ATP1A3: variants seen among roughly 807,000 people sequenced by gnomAD.
ATP1A3 encodes sodium/potassium-transporting ATPase subunit alpha-3.
A neutral mutation model predicts 108.8 loss-of-function variants in ATP1A3; 12 were observed. That is an observed-to-expected ratio of 0.11 (90% CI 0.07 to 0.18). ATP1A3 has a LOEUF of 0.18. Among genes scored for constraint, ATP1A3 ranks in the 10% least tolerant of loss-of-function variants. The pLI, the probability that ATP1A3 is intolerant of heterozygous loss-of-function variation, is 1.00. For synonymous variants in ATP1A3, 539 were observed against 564.5 expected, an observed-to-expected ratio of 0.95 and a Z score of 0.64; for missense variants, 498 against 1,387.7, an observed-to-expected ratio of 0.36 and a Z score of 10.19.
At chr19:41,987,027 A>G (rs1426117274) in intron 4 of ATP1A3, among the ~76,000 whole-genome samples, 2 of 152,148 alleles carry the variant, frequency 1.3e-5, no homozygotes, top group Non-Finnish European at 2.9e-5. Flanking sequence ...GACAGGCGTG[A>G]GCCACCATGC....
rs1057524683 is a variant in ATP1A3 at position 41,981,977 on chromosome 19, G to A, written c.1123C>T (p.Arg375Cys). 6.2e-7 allele frequency: 1 copy of A among 1,614,230 alleles called. No individual in the cohort carries two copies. Among genetic ancestry groups the A allele is most frequent in the Non-Finnish European group, 8.5e-7 (1 of 1,180,042 alleles). ...SDKTGTLTQNRMTVAHMWFDN... is the reference protein window; with the variant it reads ...SDKTGTLTQNCMTVAHMWFDN... ...AACCACATGTGGGCGACTGTCATGC[G>A]GTTCTGAGTGAGGGTCCCTGTCTTA... is the stretch of plus-strand genomic sequence containing the variant. The change falls in exon 9 of 23, where the codon CGC becomes TGC. Residue 375 changes from arginine (R) to cysteine (C), a missense_variant. By Grantham distance (180) the Arg-to-Cys change is radical. Coordinates refer to ENST00000648268, the MANE Select transcript of ATP1A3 (RefSeq NM_152296.5). This position sits in a 1 kb window ranked among gnomAD's most constrained non-coding sequence, Gnocchi z 5.0.
In ATP1A3 at chr19:41,985,954, A is replaced by T; in HGVS notation, c.516T>A (p.Ala172=). 1.9e-6 allele frequency: 3 copies of T among 1,614,112 alleles called. No individual in the cohort carries two copies. Among genetic ancestry groups the T allele is most frequent in the Non-Finnish European group, 2.5e-6 (3 of 1,180,000 alleles). ...CCAGGTCCCCGACCACCACCTCCTC[A>T]GCGTTCACCTGCATCTTCTCACCTT... The part of the protein sequence containing the change: ...IREGEKMQVN[A]EEVVVGDLVE... Residue 172 remains alanine (A), a synonymous_variant, in exon 6 of 23, where the codon GCT becomes GCA. Transcript: ENST00000648268. This position sits in a 1 kb window ranked among gnomAD's most constrained non-coding sequence, Gnocchi z 8.2.
chr19:41,976,458 G>T lies in ATP1A3; in HGVS notation c.2052C>A (p.Ser684=). 1 of 1,614,226 alleles carries T rather than the reference G, an allele frequency of 6.2e-7. No individual in the cohort carries two copies. The highest frequency in any genetic ancestry group is 8.5e-7 in the Non-Finnish European group (1 of 1,180,048). The change falls in exon 15 of 23, where the codon TCC becomes TCA. Residue 684 remains serine (S), a synonymous_variant. Transcript: ENST00000648268. ...NHTEIVFART[S]PQQKLIIVEG... is the part of the protein sequence containing the mutation. The stretch of plus-strand genomic sequence containing the variant: ...CCACAATGATGAGCTTCTGCTGGGG[G>T]GATGTGCGGGCGAAGACGATCTCGG...
intron 4 of ATP1A3, among the ~76,000 whole-genome samples, chr19:41,987,561 C>T (rs1210267025): frequency 2.0e-5 from 3 of 152,054 alleles, no homozygotes; most frequent in Non-Finnish European, 4.4e-5. Flanking sequence ...CGAATGTGTC[C>T]CTGTGTTATG....
Position 41,967,174 on chromosome 19 carries a change from A to C in ATP1A3, c.3013+75T>G, listed in dbSNP as rs568701213. ...GGTGGCAGAGCCATCCAGCAGGGCG[A>C]GGGGAGCCTGGGACCAGCTGCCTGA... On this transcript the variant is annotated intron_variant, in intron 22 of 22. Coordinates refer to ENST00000648268, the MANE Select transcript of ATP1A3 (RefSeq NM_152296.5). This position sits in a 1 kb window ranked among gnomAD's most constrained non-coding sequence, Gnocchi z 4.2. 713 of 1,606,868 alleles carry C rather than the reference A, an allele frequency of 4.4e-4. No individual in the cohort carries two copies. The highest frequency in any genetic ancestry group is 5.3e-4 in the Non-Finnish European group (620 of 1,176,674).
At chr19:41,990,634 G>A (rs2075328477) in intron 1 of ATP1A3, among the ~76,000 whole-genome samples, 1 of 146,354 alleles carries the variant, frequency 6.8e-6, no homozygotes, top group East Asian at 2.1e-4. Context: ...CTCTCTCTGG[G>A]CTCTCCTCAA....
At chr19:41,970,156 G>A (rs554165133) in intron 18 of ATP1A3, 29 bp downstream of exon 18, 2 of 1,614,216 alleles carry the variant, frequency 1.2e-6, no homozygotes, top group East Asian at 2.2e-5. Context: ...GCACTGGGTG[G>A]TAAGGAGATG....
At chr19:41,970,694 C>G (rs529795357) in intron 16 of ATP1A3, 152 bp from the exon 17 acceptor site, 15 of 940,652 alleles carry the variant, frequency 1.6e-5, no homozygotes, top group Admixed American at 9.1e-5. Flanking sequence ...TGCAGTGGTG[C>G]GATCTCGGCT....
At chr19:41,983,394 C>A (rs893186648) in intron 8 of ATP1A3, among the ~76,000 whole-genome samples, 1 of 151,604 alleles carries the variant, frequency 6.6e-6, no homozygotes, top group Non-Finnish European at 1.5e-5. Context: ...TGGAAAACTT[C>A]ACATAAAACA....
intron 4 of ATP1A3, 145 bp from the exon 5 acceptor site, chr19:41,986,374 G>A (rs2075286725): frequency 1.4e-6 from 1 of 689,892 alleles, no homozygotes; most frequent in Non-Finnish European, 2.5e-6. Flanking sequence ...ATGAGGGTTG[G>A]TGTGTCTGAG....
rs577183807 is a variant in ATP1A3, at chr19:41,985,942, C to A, written c.528G>T (p.Val176=). 1 of 1,614,056 alleles carries A rather than the reference C, an allele frequency of 6.2e-7. No individual in the cohort carries two copies. The highest frequency in any genetic ancestry group is 1.1e-5 in the South Asian group (1 of 91,086). The change falls in exon 6 of 23, where the codon GTG becomes GTT. Residue 176 remains valine, a synonymous_variant. Coordinates refer to ENST00000648268, the MANE Select transcript of ATP1A3 (RefSeq NM_152296.5). The surrounding 1 kb of genome is among the most constrained non-coding windows in gnomAD (Gnocchi z 8.2). ...EKMQVNAEEV[V]VGDLVEIKGG... ...CCTTGATCTCCACCAGGTCCCCGACCACCACCTCCTCAGCGTTCACCTGCA... is the reference window on the plus strand; with the variant it reads ...CCTTGATCTCCACCAGGTCCCCGACAACCACCTCCTCAGCGTTCACCTGCA...
At chr19:41,989,187 G>A (rs2075313410) in intron 1 of ATP1A3, among the ~76,000 whole-genome samples, 1 of 151,982 alleles carries the variant, frequency 6.6e-6, no homozygotes, top group Non-Finnish European at 1.5e-5. Context: ...CGATCCTCCT[G>A]CTTTAGCCTC....
rs1039420893 is a variant in ATP1A3, at chr19:41,994,144, G to A, written c.-68C>T. ...GACCTCGGGGCGGGCTCAGGCTCAG[G>A]CTTGGGCTGGGAGCCTCTGCAGCGC... On this transcript the variant is annotated 5_prime_UTR_variant, in exon 1 of 23. Coordinates refer to ENST00000648268, the MANE Select transcript of ATP1A3 (RefSeq NM_152296.5). 1 of 1,489,116 alleles carries A rather than the reference G, an allele frequency of 6.7e-7. No homozygotes were observed. 92.2% of individuals were successfully genotyped at this position (1,489,116 alleles called of 1,614,324 possible).
chr19:41,970,347 C>A (rs782172680), intron 17 of ATP1A3, 39 bp from the exon 18 acceptor site: 2 of 1,613,658 alleles, frequency 1.2e-6, no homozygotes, highest in African/African-American at 2.7e-5. Flanking sequence ...GAGGGGAGGA[C>A]TCCACCCTCC....
intron 8 of ATP1A3, among the ~76,000 whole-genome samples, chr19:41,983,766 ATTTTTTTTTT>A (rs556483707): frequency 3.4e-4 from 34 of 101,252 alleles, no homozygotes; most frequent in Non-Finnish European, 4.3e-4. Flanking sequence ...ATTTAAAAAA[ATTTTTTTTTT>A]TTTTTTTTTT....
intron 19 of ATP1A3, among the ~76,000 whole-genome samples, chr19:41,969,181 C>T (rs139851586): frequency 0.016 from 2,411 of 152,278 alleles, 42 homozygotes; most frequent in Middle Eastern, 0.024. Flanking sequence ...GGAGGACAGA[C>T]AGCAACTGGG....
intron 16 of ATP1A3, among the ~76,000 whole-genome samples, chr19:41,972,845 G>A (rs1043762253): frequency 7.1e-6 from 1 of 140,386 alleles, no homozygotes; most frequent in Admixed American, 7.1e-5. Context: ...AAGGAAGGAA[G>A]GAAGGAAGGA....
Position 41,985,956 on chromosome 19 carries a change from C to T in ATP1A3, c.514G>A (p.Ala172Thr), listed in dbSNP as rs782236247. ...AGGTCCCCGACCACCACCTCCTCAG[C>T]GTTCACCTGCATCTTCTCACCTTCC... Reference protein sequence around the residue: ...IREGEKMQVNAEEVVVGDLVE... With the variant: ...IREGEKMQVNTEEVVVGDLVE... The change falls in exon 6 of 23, where the codon GCT (alanine) becomes ACT (threonine). Residue 172 changes from alanine (A) to threonine (T), a missense_variant. By Grantham distance (58) the Ala-to-Thr change is moderately conservative. This residue lies in a region of ATP1A3 where 127 missense variants were observed against 464.0 expected (regional missense o/e 0.27). Coordinates refer to ENST00000648268, the MANE Select transcript of ATP1A3 (RefSeq NM_152296.5). The surrounding 1 kb of genome is among the most constrained non-coding windows in gnomAD (Gnocchi z 8.2). 3.1e-6 allele frequency: 5 copies of T among 1,614,048 alleles called. No homozygotes were observed. The highest frequency in any genetic ancestry group is 2.2e-5 in the East Asian group (1 of 44,894).
intron 19 of ATP1A3, among the ~76,000 whole-genome samples, 178 bp from the exon 20 acceptor site, chr19:41,969,093 G>A (rs1351979475): frequency 6.6e-6 from 1 of 152,168 alleles, no homozygotes; most frequent in Admixed American, 6.5e-5. Context: ...AGACGTACAA[G>A]GAAGAAGAAA....
Sources: gnomAD v4.1 joint callset for allele counts (sites outside exome capture counted in the v4.1 genomes callset) on GRCh38, gnomAD v4.1.1 for gene constraint, gnomAD v4.1.1 regional missense constraint, Gnocchi (gnomAD v3.1) non-coding constraint, MANE v1.5 for transcripts, NCBI Gene and HGNC (gene_info 2026-07-23, HGNC 2026-07-21) for gene names.